The following APP variants were observed in gnomAD, a reference collection of about 807,000 sequenced individuals.
APP encodes amyloid-beta precursor protein.
APP carries 31 observed loss-of-function variants against 101.4 expected under a neutral mutation model. The ratio of observed to expected loss-of-function variants is 0.31; its 90% CI spans 0.23 to 0.41. The LOEUF is 0.41. Among genes scored for constraint, APP ranks in the 10% least tolerant of loss-of-function variants. APP has a pLI of 1.00. For missense variants in APP, 839 were observed against 1,003.7 expected (o/e 0.84, Z 2.22); for synonymous variants, 366 against 364.4 (o/e 1.00, Z -0.05).
At chr21:26,086,536 T>A (rs986297268) in intron 3 of APP, among the ~76,000 whole-genome samples, 13 of 141,960 alleles carry the variant, frequency 9.2e-5, no homozygotes, top group African/African-American at 3.4e-4. Flanking sequence ...ATGTTTAAGA[T>A]AATTTTATTT....
At chr21:25,994,870 C>T (rs979137145) in intron 8 of APP, among the ~76,000 whole-genome samples, 2 of 152,182 alleles carry the variant, frequency 1.3e-5, no homozygotes, top group Non-Finnish European at 2.9e-5. Flanking sequence ...GCTGCACAGG[C>T]TATAAATAAC....
intron 5 of APP, among the ~76,000 whole-genome samples, chr21:26,024,180 C>T (rs936513198): frequency 2.6e-5 from 4 of 152,110 alleles, no homozygotes; most frequent in African/African-American, 9.7e-5. Flanking sequence ...ATCACAAAAC[C>T]AATACAGGAG....
chr21:26,005,478 C>G (rs2043492502), intron 6 of APP, among the ~76,000 whole-genome samples: 1 of 152,100 alleles, frequency 6.6e-6, no homozygotes, highest in Admixed American at 6.5e-5. Flanking sequence ...AGAGTTCTAA[C>G]CTTGTCTCTT....
chr21:25,996,786 C>T (rs1465494299), intron 8 of APP, among the ~76,000 whole-genome samples: 2 of 152,216 alleles, frequency 1.3e-5, no homozygotes, highest in African/African-American at 4.8e-5. Flanking sequence ...TGGATAATAA[C>T]TCAAGTCTTT....
At chr21:26,136,276 C>T (rs1444130011) in intron 1 of APP, among the ~76,000 whole-genome samples, 1 of 152,054 alleles carries the variant, frequency 6.6e-6, no homozygotes, top group Non-Finnish European at 1.5e-5. Flanking sequence ...GCCACTGCCT[C>T]TCTGAAAGAA....
At chr21:26,026,897 C>T (rs747262361) in intron 5 of APP, among the ~76,000 whole-genome samples, 2 of 152,112 alleles carry the variant, frequency 1.3e-5, no homozygotes, top group Non-Finnish European at 2.9e-5. Context: ...TAACAAATCG[C>T]TCTAAGGGGG....
chr21:26,095,950 C>T (rs1370803008), intron 2 of APP, among the ~76,000 whole-genome samples: 4 of 152,156 alleles, frequency 2.6e-5, no homozygotes, highest in Admixed American at 6.5e-5. Context: ...AAAAAGGACT[C>T]GAGATACTTA....
At chr21:26,094,109 G>A (rs1191125722) in intron 2 of APP, among the ~76,000 whole-genome samples, 3 of 146,914 alleles carry the variant, frequency 2.0e-5, no homozygotes, top group Admixed American at 6.7e-5. Flanking sequence ...AGCGAGACTC[G>A]GTCTCAAAAA....
intron 1 of APP, among the ~76,000 whole-genome samples, chr21:26,168,589 A>C: frequency 7.1e-6 from 1 of 140,626 alleles, no homozygotes; most frequent in African/African-American, 3.2e-5. Flanking sequence ...TGCTCAACAA[A>C]GTTACATATT....
chr21:25,898,042 T>C (rs1033634997), intron 15 of APP: 3 of 261,298 alleles, frequency 1.1e-5, no homozygotes, highest in African/African-American at 4.6e-5. Flanking sequence ...ATTATGTGTC[T>C]TTTTCCATGT....
intron 3 of APP, among the ~76,000 whole-genome samples, chr21:26,060,865 G>A (rs1321709386): frequency 6.6e-6 from 1 of 152,180 alleles, no homozygotes; most frequent in East Asian, 1.9e-4. Context: ...GAATGATGTG[G>A]AAGAGATCAG....
chr21:26,161,627 G>A (rs2063493004), intron 1 of APP, among the ~76,000 whole-genome samples: 1 of 151,302 alleles, frequency 6.6e-6, no homozygotes, highest in African/African-American at 2.5e-5. Context: ...TAATATGTAA[G>A]TATCTATGAT....
intron 2 of APP, among the ~76,000 whole-genome samples, chr21:26,106,841 A>G (rs1302556127): frequency 6.6e-6 from 1 of 152,184 alleles, no homozygotes; most frequent in Non-Finnish European, 1.5e-5. Flanking sequence ...CTGACTCACC[A>G]TTGACCCACG....
At chr21:26,049,347 T>C (rs769564157) in intron 5 of APP, among the ~76,000 whole-genome samples, 4 of 152,150 alleles carry the variant, frequency 2.6e-5, no homozygotes, top group South Asian at 2.1e-4. Context: ...AAACACGTAC[T>C]GGGCACCTAC....
chr21:26,072,938 T>C (rs2061434065), intron 3 of APP, among the ~76,000 whole-genome samples: 1 of 152,078 alleles, frequency 6.6e-6, no homozygotes, highest in South Asian at 2.1e-4. Flanking sequence ...ACCTAAGAAG[T>C]CTGAATTTGC....
At chr21:26,080,621 AT>A (rs946567213) in intron 3 of APP, among the ~76,000 whole-genome samples, 18 of 151,922 alleles carry the variant, frequency 1.2e-4, no homozygotes, top group South Asian at 1.0e-3. Context: ...ACAAAAAAAA[AT>A]TAGCCAGTAG....
At chr21:26,122,529 AC>A (rs1287558301) in intron 1 of APP, among the ~76,000 whole-genome samples, 2 of 152,058 alleles carry the variant, frequency 1.3e-5, no homozygotes, top group African/African-American at 4.8e-5. Flanking sequence ...TTTCCATCTG[AC>A]TTCCCACCAG....
chr21:26,052,485 T>G (rs1399298022), intron 4 of APP, among the ~76,000 whole-genome samples: 1 of 152,054 alleles, frequency 6.6e-6, no homozygotes, highest in Non-Finnish European at 1.5e-5. Flanking sequence ...ATAAATTTAT[T>G]AGGAAACCTA....
At chr21:26,029,678 T>C (rs780730502) in intron 5 of APP, among the ~76,000 whole-genome samples, 1 of 152,126 alleles carries the variant, frequency 6.6e-6, no homozygotes, top group Non-Finnish European at 1.5e-5. Context: ...GCTCCAAGAA[T>C]GGCAAGTCAG....
Sources: allele counts gnomAD v4.1 joint callset (sites outside exome capture counted in the v4.1 genomes callset), GRCh38; gene constraint gnomAD v4.1.1; transcripts MANE v1.5; gene names NCBI Gene and HGNC (gene_info 2026-07-23, HGNC 2026-07-21).